SLC8A1: variants seen among roughly 807,000 people sequenced by gnomAD.
The protein encoded by SLC8A1 is sodium/calcium exchanger 1.
Under a neutral mutation model 68.3 loss-of-function variants are expected in SLC8A1, and 18 were observed. The observed-to-expected ratio is 0.26, with a 90% CI of 0.18 to 0.39. SLC8A1 has a LOEUF of 0.39. Among genes scored for constraint, SLC8A1 ranks in the 10% least tolerant of loss-of-function variants. SLC8A1 has a pLI of 1.00. For missense variants in SLC8A1, 985 were observed against 1,156.7 expected (o/e 0.85, Z 2.15); for synonymous variants, 475 against 415.5 (o/e 1.14, Z -1.74).
upstream of SLC8A1, chr2:40,452,159 G>A (rs1702638326): frequency 0.01 from 1 of 98 alleles, no homozygotes; most frequent in Admixed American, 0.5. Flanking sequence ...CCGGGGCCCG[G>A]GCGCGCGCGC....
chr2:40,394,640 C>G (rs1339425679), intron 2 of SLC8A1, among the ~76,000 whole-genome samples: 1 of 152,082 alleles, frequency 6.6e-6, no homozygotes, highest in Non-Finnish European at 1.5e-5. Flanking sequence ...CTGCTATCTT[C>G]CTCTTTAGAG....
intron 2 of SLC8A1, among the ~76,000 whole-genome samples, chr2:40,358,866 A>C (rs1025260987): frequency 1.3e-5 from 2 of 152,198 alleles, no homozygotes; most frequent in African/African-American, 4.8e-5. Flanking sequence ...ATATGCTTCT[A>C]CAAGACTGAA....
At chr2:40,118,706 C>T (rs900300499) in intron 7 of SLC8A1, among the ~76,000 whole-genome samples, 3 of 138,106 alleles carry the variant, frequency 2.2e-5, no homozygotes, top group Non-Finnish European at 3.0e-5. Flanking sequence ...GCTTCCAGCT[C>T]AGGTACAGCT....
At chr2:40,331,952 A>C (rs780396769) in intron 2 of SLC8A1, among the ~76,000 whole-genome samples, 3 of 151,780 alleles carry the variant, frequency 2.0e-5, no homozygotes, top group Non-Finnish European at 2.9e-5. Context: ...GTATTTATTT[A>C]TTTTCAGACA....
chr2:40,284,240 A>G (rs1377762959), intron 2 of SLC8A1, among the ~76,000 whole-genome samples: 1 of 150,960 alleles, frequency 6.6e-6, no homozygotes, highest in Non-Finnish European at 1.5e-5. Context: ...GCCAATATCT[A>G]TAACATATTT....
At chr2:40,365,123 T>C (rs1187693688) in intron 2 of SLC8A1, among the ~76,000 whole-genome samples, 1 of 152,084 alleles carries the variant, frequency 6.6e-6, no homozygotes, top group Non-Finnish European at 1.5e-5. Flanking sequence ...TTACCATTTT[T>C]AGAGTGTATA....
chr2:40,407,195 A>G (rs1690643795), intron 2 of SLC8A1, among the ~76,000 whole-genome samples: 1 of 152,140 alleles, frequency 6.6e-6, no homozygotes, highest in African/African-American at 2.4e-5. Context: ...CCTCCTGAGT[A>G]TCTGGGATTA....
intron 2 of SLC8A1, among the ~76,000 whole-genome samples, chr2:40,195,135 T>G (rs1383793059): frequency 1.3e-5 from 2 of 152,076 alleles, no homozygotes; most frequent in East Asian, 3.9e-4. Flanking sequence ...AACTGAAGTC[T>G]TGAAATCAAC....
At chr2:40,473,400 C>A (rs12989028) in intron 1 of SLC8A1, among the ~76,000 whole-genome samples, 1 of 152,008 alleles carries the variant, frequency 6.6e-6, no homozygotes, top group Non-Finnish European at 1.5e-5. Flanking sequence ...ACATCTCCTC[C>A]TCTCCATCTC....
intron 6 of SLC8A1, among the ~76,000 whole-genome samples, chr2:40,140,129 T>C (rs895117929): frequency 6.6e-5 from 10 of 152,208 alleles, no homozygotes; most frequent in Admixed American, 1.3e-4. Flanking sequence ...TATAATCACC[T>C]ACAGGATAAT....
At chr2:40,413,685 G>A (rs1692907283) in intron 2 of SLC8A1, among the ~76,000 whole-genome samples, 1 of 152,070 alleles carries the variant, frequency 6.6e-6, no homozygotes. Context: ...TAATATCACT[G>A]CACAGCATGA....
chr2:40,426,853 G>C (rs1237939747), intron 2 of SLC8A1, among the ~76,000 whole-genome samples: 1 of 151,890 alleles, frequency 6.6e-6, no homozygotes. Flanking sequence ...ATAATCATTA[G>C]GGAAAATATA....
intron 3 of SLC8A1, 118 bp from the exon 5 acceptor site, chr2:40,174,960 TAAG>T: frequency 2.2e-6 from 2 of 922,896 alleles, no homozygotes; most frequent in South Asian, 1.5e-5. Flanking sequence ...TATTTACAAT[TAAG>T]AAGACTAGGA....
At chr2:40,279,461 A>C (rs1229722346) in intron 2 of SLC8A1, among the ~76,000 whole-genome samples, 1 of 152,218 alleles carries the variant, frequency 6.6e-6, no homozygotes, top group Non-Finnish European at 1.5e-5. Flanking sequence ...TAGTATAAGG[A>C]GAAGTGATTA....
rs1430972564 is a variant in SLC8A1, at chr2:40,200,186, ATATATT to A, written c.1809-22337_1809-22332del. ...TTTCAAGTCATTGATATATATATATATATATTTATATATATATATAAATATATATAT... is the reference window on the plus strand; with the variant it reads ...TTTCAAGTCATTGATATATATATATATATATATATATATAAATATATATAT... On this transcript the variant is annotated intron_variant, in intron 2 of 7. Coordinates refer to ENST00000406785, the Ensembl canonical transcript of SLC8A1. Among the ~76,000 whole-genome samples the A allele has an allele frequency of 6.5e-4, 15 of 23,120 alleles. 2 individuals are homozygous for A. The highest frequency in any genetic ancestry group is 1.5e-3 in the South Asian group (1 of 682). 15.2% of individuals were successfully genotyped at this position (23,120 alleles called of 152,430 possible). A position where few individuals can be genotyped will look rare whatever the true frequency, so the allele number is the denominator to read the frequency against.
chr2:40,213,971 G>A (rs542187275), intron 2 of SLC8A1, among the ~76,000 whole-genome samples: 2 of 152,278 alleles, frequency 1.3e-5, no homozygotes, highest in East Asian at 3.9e-4. Context: ...CATGGAAAAT[G>A]AATAGCCACA....
chr2:40,303,793 C>G (rs10191840), intron 2 of SLC8A1, among the ~76,000 whole-genome samples: 17,912 of 152,156 alleles, frequency 0.12, 1,918 homozygotes, highest in African/African-American at 0.29. Flanking sequence ...ACCTCACTTT[C>G]TTCAGGTCTG....
chr2:40,418,701 TA>T lies in SLC8A1; in HGVS notation c.1808+9771del, dbSNP rs558777860. ...GAAGTAGAAGACAAAACTCTCTCCCTATTTCACATTCTTCTGAGTTCATTAT... is the reference window on the plus strand; with the variant it reads ...GAAGTAGAAGACAAAACTCTCTCCCTTTTCACATTCTTCTGAGTTCATTAT... On this transcript the variant is annotated intron_variant, in intron 2 of 7. Transcript: ENST00000406785. Among the ~76,000 whole-genome samples the T allele has an allele frequency of 4.3e-4, 65 of 152,334 alleles. No homozygotes were observed. In the South Asian group the frequency reaches 6.0e-3, roughly 14 times the overall value.
intron 7 of SLC8A1, among the ~76,000 whole-genome samples, chr2:40,129,732 C>G (rs555980086): frequency 1.3e-5 from 2 of 152,288 alleles, no homozygotes; most frequent in East Asian, 3.9e-4. Context: ...CACCAACCCT[C>G]CAAACACAAA....
Sources: allele counts gnomAD v4.1 joint callset (sites outside exome capture counted in the v4.1 genomes callset), GRCh38; gene constraint gnomAD v4.1.1; transcripts MANE v1.5; gene names NCBI Gene and HGNC (gene_info 2026-07-23, HGNC 2026-07-21).